The following PRKCZ variants were observed in gnomAD, a reference collection of about 807,000 sequenced individuals.
PRKCZ encodes protein kinase C zeta.
Under a neutral mutation model 79.5 loss-of-function variants are expected in PRKCZ, and 33 were observed. The ratio of observed to expected loss-of-function variants is 0.41; its 90% CI spans 0.31 to 0.55. PRKCZ has a LOEUF of 0.55. PRKCZ is among the 20% of genes least tolerant of loss of function. The probability of loss-of-function intolerance (pLI) is 0.19; values close to 1 mark genes in which losing one functional copy is unlikely to be tolerated. For missense variants in PRKCZ, 578 were observed against 813.5 expected (o/e 0.71, Z 3.52); for synonymous variants, 342 against 320.9 (o/e 1.07, Z -0.70).
At chr1:2,108,920 C>T (rs1669146661) in intron 4 of PRKCZ, among the ~76,000 whole-genome samples, 2 of 152,290 alleles carry the variant, frequency 1.3e-5, no homozygotes, top group African/African-American at 4.8e-5. Context: ...TCTGGGGGCT[C>T]CAGGGAGACC....
Position 2,088,355 on chromosome 1 carries a change from C to T in PRKCZ, c.334+28764C>T, listed in dbSNP as rs1025966915. ...CTGTTCCTCCCCTGCAGTCTCAGCT[C>T]GGAGGCTGCCCCTTTCCATCGTGGG... On this transcript the variant is annotated intron_variant, in intron 4 of 17. Transcript: ENST00000378567. 3.3e-5 allele frequency among the ~76,000 whole-genome samples: 5 copies of T among 152,316 alleles called. No individual in the cohort carries two copies. In the East Asian group the frequency reaches 7.7e-4, roughly 24 times the overall value.
intron 6 of PRKCZ, chr1:2,145,347 A>ATG (rs1678279477): frequency 6.6e-6 from 1 of 152,190 alleles, no homozygotes; most frequent in Non-Finnish European, 1.5e-5. Context: ...GGCGGAACCC[A>ATG]GAGGCCCTTA....
intron 4 of PRKCZ, among the ~76,000 whole-genome samples, chr1:2,106,487 CACGTGTCACCAG>C (rs1668466523): frequency 1.2e-5 from 1 of 82,314 alleles, no homozygotes; most frequent in African/African-American, 4.6e-5. Context: ...AGGACCTCCA[CACGTGTCACCAG>C]GCCAGGTAAC....
intron 10 of PRKCZ, among the ~76,000 whole-genome samples, chr1:2,166,040 G>A (rs561825569): frequency 6.6e-6 from 1 of 152,304 alleles, no homozygotes; most frequent in African/African-American, 2.4e-5. Flanking sequence ...TCTGCGTCTC[G>A]CCTGGTTCCT....
intron 4 of PRKCZ, among the ~76,000 whole-genome samples, chr1:2,086,864 G>A (rs771701757): frequency 4.6e-5 from 7 of 152,292 alleles, no homozygotes; most frequent in East Asian, 1.9e-4. Flanking sequence ...CCGCGGCATC[G>A]TCACCAGGGC....
At position 2,180,184 on chromosome 1, in the gene PRKCZ, C is replaced by G. The variant is rs1347751777; in HGVS notation, c.1576-4399C>G. ...TGCCCTGGCCTGGCCACCCGCGAAC[C>G]CCTCTGTCCACCCCATGCTGCGTGG... On this transcript the variant is annotated intron_variant, in intron 16 of 17. Transcript: ENST00000378567. 3.3e-5 allele frequency among the ~76,000 whole-genome samples: 5 copies of G among 152,330 alleles called. No homozygotes were observed. The East Asian group carries it at 9.6e-4, about 29-fold the overall frequency.
chr1:2,074,471 G>C (rs79509884), intron 4 of PRKCZ, among the ~76,000 whole-genome samples: 3 of 152,174 alleles, frequency 2.0e-5, no homozygotes, highest in East Asian at 3.9e-4. Context: ...TGGCCGCTTC[G>C]TCTCCATTCT....
rs1244893135 is a variant in PRKCZ, at chr1:2,124,273, G to C, written c.335-10989G>C. 1.9e-4 allele frequency among the ~76,000 whole-genome samples: 26 copies of C among 137,768 alleles called. 11 individuals are homozygous for C. The highest frequency in any genetic ancestry group is 3.3e-3 in the Middle Eastern group (1 of 304). The allele number at this position is 137,768 out of a possible 152,430, so 90.4% of individuals were successfully genotyped here. On this transcript the variant is annotated intron_variant, in intron 4 of 17. Coordinates refer to ENST00000378567, the MANE Select transcript of PRKCZ (RefSeq NM_002744.6). ...TGGTTAGGGTCATGGCGGTAGTTAG[G>C]GTCACGGCTGTAGTTAGCGTCACGG... is the stretch of plus-strand genomic sequence containing the variant.
chr1:2,163,116 G>A (rs1571926988), intron 10 of PRKCZ, among the ~76,000 whole-genome samples: 1 of 152,216 alleles, frequency 6.6e-6, no homozygotes, highest in African/African-American at 2.4e-5. Flanking sequence ...GCCTCACTGG[G>A]GTGACGTTGA....
chr1:2,126,511 C>T (rs1485652647), intron 4 of PRKCZ, among the ~76,000 whole-genome samples: 1 of 152,120 alleles, frequency 6.6e-6, no homozygotes, highest in Non-Finnish European at 1.5e-5. Context: ...CCATGCCCAC[C>T]CCCCTCCAGC....
chr1:2,059,451 C>T, intron 3 of PRKCZ, 90 bp from the exon 4 acceptor site: 1 of 1,512,492 alleles, frequency 6.6e-7, no homozygotes, highest in Non-Finnish European at 9.1e-7. Flanking sequence ...AGTCCACGTG[C>T]TCAGCCTGAC....
chr1:2,184,794 G>A, intron 17 of PRKCZ, 96 bp downstream of exon 17: 2 of 1,403,194 alleles, frequency 1.4e-6, no homozygotes, highest in Non-Finnish European at 9.9e-7. Context: ...CTGCCCTTGA[G>A]TCCCACCCGC....
At chr1:2,140,017 A>G (rs148298158) in intron 5 of PRKCZ, among the ~76,000 whole-genome samples, 262 of 152,332 alleles carry the variant, frequency 1.7e-3, no homozygotes, top group South Asian at 4.4e-3. Context: ...ATGAGTGGAC[A>G]GAGGAGTGAC....
chr1:2,107,862 G>A (rs1421232777), intron 4 of PRKCZ, among the ~76,000 whole-genome samples: 1 of 151,834 alleles, frequency 6.6e-6, no homozygotes, highest in African/African-American at 2.4e-5. Flanking sequence ...CAGTGTCGAG[G>A]GAGCCCCCAA....
In PRKCZ at chr1:2,168,072, G is replaced by C. The variant is rs903069983; in HGVS notation, c.975-1446G>C. 3.9e-5 allele frequency among the ~76,000 whole-genome samples: 6 copies of C among 152,156 alleles called. No individual in the cohort carries two copies. The highest frequency in any genetic ancestry group is 1.4e-4 in the African/African-American group (6 of 41,420). ...CACTGAGGACGTTCCTGCACATCGA[G>C]GGCACCCTCAGAGCTGCTCTTTCTG... On this transcript the variant is annotated intron_variant, in intron 10 of 17. Coordinates refer to ENST00000378567, the MANE Select transcript of PRKCZ (RefSeq NM_002744.6). This position sits in a 1 kb window ranked among gnomAD's most constrained non-coding sequence, Gnocchi z 4.7.
intron 10 of PRKCZ, among the ~76,000 whole-genome samples, chr1:2,164,635 C>T (rs149223459): frequency 2.6e-5 from 4 of 152,340 alleles, no homozygotes; most frequent in Non-Finnish European, 5.9e-5. Flanking sequence ...AAACCATGAG[C>T]GTTCCCTGCA....
At chr1:2,114,698 C>T (rs1384153204) in intron 4 of PRKCZ, among the ~76,000 whole-genome samples, 6 of 151,934 alleles carry the variant, frequency 3.9e-5, no homozygotes, top group Non-Finnish European at 8.8e-5. Flanking sequence ...CGCTTGAACC[C>T]GGGAGGTGGA....
At chr1:2,053,244 A>G (rs1353146969) in intron 1 of PRKCZ, among the ~76,000 whole-genome samples, 5 of 151,598 alleles carry the variant, frequency 3.3e-5, no homozygotes, top group Non-Finnish European at 7.4e-5. Context: ...AGGACTACAG[A>G]CGCCCGCCAC....
chr1:2,101,739 T>TAGCAGGTACTTAGC (rs926225063), intron 4 of PRKCZ, among the ~76,000 whole-genome samples: 1 of 152,086 alleles, frequency 6.6e-6, no homozygotes, highest in Non-Finnish European at 1.5e-5. Flanking sequence ...ATCTGATACT[T>TAGCAGGTACTTAGC]AGCAGGTACT....
Sources: gnomAD v4.1 joint callset for allele counts (sites outside exome capture counted in the v4.1 genomes callset) on GRCh38, gnomAD v4.1.1 for gene constraint, Gnocchi (gnomAD v3.1) non-coding constraint, MANE v1.5 for transcripts, NCBI Gene and HGNC (gene_info 2026-07-23, HGNC 2026-07-21) for gene names.